ZNF385D: variants seen among roughly 807,000 people sequenced by gnomAD.
ZNF385D encodes zinc finger protein 659.
ZNF385D carries 15 observed loss-of-function variants against 35.8 expected under a neutral mutation model. The observed-to-expected ratio is 0.42, with a 90% confidence interval of 0.28 to 0.64. The LOEUF is 0.64. Among genes scored for constraint, ZNF385D ranks in the 30% least tolerant of loss-of-function variants. The pLI is 0.23. For missense variants in ZNF385D, 474 were observed against 494.6 expected (o/e 0.96, Z 0.39); for synonymous variants, 212 against 186.8 (o/e 1.13, Z -1.10).
chr3:22,005,056 C>CAAAAAAAAAAAAAAAAA (rs71044965), intron 3 of ZNF385D, among the ~76,000 whole-genome samples: 1 of 57,356 alleles, frequency 1.7e-5, no homozygotes, highest in Non-Finnish European at 3.2e-5. Flanking sequence ...CACTCAGCAG[C>CAAAAAAAAAAAAAAAAA]AAAAAAAAAA....
intron 4 of ZNF385D, among the ~76,000 whole-genome samples, chr3:21,493,914 C>G (rs539860062): frequency 6.6e-6 from 1 of 152,156 alleles, no homozygotes; most frequent in Non-Finnish European, 1.5e-5. Flanking sequence ...GTATCTTTAG[C>G]TGATAATTCT....
intron 7 of ZNF385D, among the ~76,000 whole-genome samples, 170 bp downstream of exon 7, chr3:21,423,793 A>G (rs1431913653): frequency 2.0e-5 from 3 of 152,188 alleles, no homozygotes; most frequent in African/African-American, 7.2e-5. Context: ...ACTTGACTCA[A>G]AAGAGTTTGG....
At chr3:22,151,771 G>C (rs1372422218) in intron 3 of ZNF385D, among the ~76,000 whole-genome samples, 1 of 152,084 alleles carries the variant, frequency 6.6e-6, no homozygotes, top group South Asian at 2.1e-4. Context: ...CCAAATATCT[G>C]GGTGTCATGG....
At chr3:21,938,735 T>A (rs1701376573) in intron 3 of ZNF385D, among the ~76,000 whole-genome samples, 1 of 152,184 alleles carries the variant, frequency 6.6e-6, no homozygotes, top group Admixed American at 6.5e-5. Flanking sequence ...AATGTCCACC[T>A]CAACACCCCC....
chr3:21,846,772 A>G (rs1696031710), intron 3 of ZNF385D, among the ~76,000 whole-genome samples: 1 of 151,994 alleles, frequency 6.6e-6, no homozygotes, highest in Non-Finnish European at 1.5e-5. Context: ...TAGCGGCTTA[A>G]TGGTGCGCCC....
At chr3:21,854,645 T>G (rs746966827) in intron 3 of ZNF385D, among the ~76,000 whole-genome samples, 3 of 151,970 alleles carry the variant, frequency 2.0e-5, no homozygotes, top group Admixed American at 6.6e-5. Flanking sequence ...TTGTTGTTGT[T>G]GGGATTTATT....
At chr3:21,864,087 A>G (rs1697201868) in intron 3 of ZNF385D, among the ~76,000 whole-genome samples, 1 of 151,778 alleles carries the variant, frequency 6.6e-6, no homozygotes, top group Non-Finnish European at 1.5e-5. Flanking sequence ...GCCTCTACCG[A>G]TGAATATAGT....
intron 1 of ZNF385D, among the ~76,000 whole-genome samples, chr3:21,693,180 A>T (rs961945984): frequency 1.3e-5 from 2 of 152,172 alleles, no homozygotes; most frequent in Admixed American, 1.3e-4. Flanking sequence ...GAGTTCACAT[A>T]CATGTGCAAA....
At chr3:22,163,071 G>A (rs28623304) in intron 3 of ZNF385D, among the ~76,000 whole-genome samples, 1 of 151,882 alleles carries the variant, frequency 6.6e-6, no homozygotes, top group Non-Finnish European at 1.5e-5. Flanking sequence ...CCACTTTTGA[G>A]GCAAGGAGCT....
intron 1 of ZNF385D, among the ~76,000 whole-genome samples, chr3:21,720,892 G>A (rs756300590): frequency 5.3e-5 from 8 of 152,120 alleles, no homozygotes; most frequent in East Asian, 3.9e-4. Flanking sequence ...CAAAAAGTGC[G>A]TGATTGCAAC....
intron 3 of ZNF385D, among the ~76,000 whole-genome samples, chr3:21,936,115 G>C (rs1701243345): frequency 6.6e-6 from 1 of 152,050 alleles, no homozygotes; most frequent in African/African-American, 2.4e-5. Context: ...GAGGAGGTGA[G>C]AGAGGGAGGA....
chr3:21,594,450 C>G (rs528266191), intron 2 of ZNF385D, among the ~76,000 whole-genome samples: 13 of 152,252 alleles, frequency 8.5e-5, no homozygotes, highest in African/African-American at 2.9e-4. Context: ...AGGGAAAATG[C>G]CAATCAACAG....
At chr3:21,947,445 G>A (rs1701847993) in intron 3 of ZNF385D, among the ~76,000 whole-genome samples, 1 of 151,992 alleles carries the variant, frequency 6.6e-6, no homozygotes, top group Admixed American at 6.6e-5. Context: ...CCGCCTCCTG[G>A]GTTCAAGCCA....
chr3:21,910,418 C>A (rs1699906279), intron 3 of ZNF385D, among the ~76,000 whole-genome samples: 1 of 151,852 alleles, frequency 6.6e-6, no homozygotes, highest in Non-Finnish European at 1.5e-5. Context: ...ATGAAGAGAG[C>A]CTTTGCACTT....
chr3:22,152,802 T>G lies in ZNF385D; in HGVS notation c.325+16015A>C, dbSNP rs113037583. On this transcript the variant is annotated intron_variant, in intron 3 of 5. Transcript: ENST00000494108. ...TATTCACAGGTCTCAGGGATTAGGA[T>G]GTATACATCTTTTGGGGAGTATTAT... 8.5e-3 allele frequency among the ~76,000 whole-genome samples: 1,298 copies of G among 152,294 alleles called. 21 individuals carry two copies. Among genetic ancestry groups the G allele is most frequent in the African/African-American group, 0.03 (1,245 of 41,564 alleles).
chr3:22,166,013 C>T (rs1280721209), intron 3 of ZNF385D, among the ~76,000 whole-genome samples: 2 of 141,700 alleles, frequency 1.4e-5, no homozygotes, highest in African/African-American at 2.5e-5. Context: ...ACACTTTTGG[C>T]TCCAGGATCT....
In ZNF385D at chr3:21,991,592, A is replaced by G. The variant is rs575927105; in HGVS notation, c.325+177225T>C. 7.0e-4 allele frequency among the ~76,000 whole-genome samples: 107 copies of G among 152,322 alleles called. No individual in the cohort carries two copies. In the South Asian group the frequency reaches 0.021, roughly 30 times the overall value. ...TGGTGGGCAAAATGTTCCACCACAA[A>G]TAAGAATGCTCTAGCACGACAGCTA... On this transcript the variant is annotated intron_variant, in intron 3 of 5. Coordinates refer to the ZNF385D transcript ENST00000494108.
chr3:21,634,925 A>G (rs999497396), intron 2 of ZNF385D, among the ~76,000 whole-genome samples: 3 of 152,084 alleles, frequency 2.0e-5, no homozygotes, highest in Non-Finnish European at 4.4e-5. Context: ...AAGCAAATGA[A>G]TTTATTCATA....
At chr3:22,015,588 T>A (rs775205227) in intron 3 of ZNF385D, among the ~76,000 whole-genome samples, 1 of 152,126 alleles carries the variant, frequency 6.6e-6, no homozygotes, top group Non-Finnish European at 1.5e-5. Flanking sequence ...ATCTCTCAGT[T>A]TGGAAATTTC....
Sources: gnomAD v4.1 joint callset for allele counts (sites outside exome capture counted in the v4.1 genomes callset) on GRCh38, gnomAD v4.1.1 for gene constraint, MANE v1.5 for transcripts, NCBI Gene and HGNC (gene_info 2026-07-23, HGNC 2026-07-21) for gene names.